The following EPB41L3 variants were observed in gnomAD, a reference collection of about 807,000 sequenced individuals.
The protein encoded by EPB41L3 is erythrocyte membrane protein band 4.1 like 3.
Under a neutral mutation model 127.1 loss-of-function variants are expected in EPB41L3, and 57 were observed. The observed-to-expected ratio is 0.45, with a 90% confidence interval of 0.36 to 0.56. EPB41L3 has a LOEUF of 0.56. Among genes scored for constraint, EPB41L3 ranks in the 20% least tolerant of loss-of-function variants. The probability of loss-of-function intolerance (pLI) is 0.00; values close to 1 mark genes in which losing one functional copy is unlikely to be tolerated. For synonymous variants in EPB41L3, 572 were observed against 549.5 expected, an observed-to-expected ratio of 1.04 and a Z score of -0.57; for missense variants, 1,273 against 1,372.2, an observed-to-expected ratio of 0.93 and a Z score of 1.14.
rs561607135 is a variant in EPB41L3 at position 5,542,643 on chromosome 18, CAT to C, written c.-12+1268_-12+1269del. ...CAACCTCCACAAGTAATTAACACCACATGTTTCCTTTATCATTCTATTTGTTC... is the reference window on the plus strand; with the variant it reads ...CAACCTCCACAAGTAATTAACACCACGTTTCCTTTATCATTCTATTTGTTC... On this transcript the variant is annotated intron_variant, in intron 1 of 22. Transcript: ENST00000341928. Among the ~76,000 whole-genome samples, 537 of 152,340 alleles carry C rather than the reference CAT, an allele frequency of 3.5e-3. 4 individuals carry two copies. Among genetic ancestry groups the C allele is most frequent in the Admixed American group, 0.026 (393 of 15,298 alleles).
At chr18:5,517,877 C>G (rs925012249) in intron 1 of EPB41L3, among the ~76,000 whole-genome samples, 1 of 152,116 alleles carries the variant, frequency 6.6e-6, no homozygotes, top group Non-Finnish European at 1.5e-5. Context: ...TCCTCCTCCC[C>G]CACTGACCAC....
intron 1 of EPB41L3, among the ~76,000 whole-genome samples, chr18:5,620,587 A>T (rs537151675): frequency 1.3e-5 from 2 of 152,322 alleles, no homozygotes; most frequent in South Asian, 4.1e-4. Context: ...CATCCTTTAT[A>T]ATAATGTAGA....
chr18:5,448,882 A>G (rs1197143637), intron 3 of EPB41L3, among the ~76,000 whole-genome samples: 7 of 152,248 alleles, frequency 4.6e-5, no homozygotes, highest in Non-Finnish European at 8.8e-5. Flanking sequence ...CCAACAATCA[A>G]GAAAGTTTTA....
intron 3 of EPB41L3, among the ~76,000 whole-genome samples, chr18:5,568,514 T>C (rs1043746235): frequency 4.1e-5 from 6 of 147,808 alleles, no homozygotes; most frequent in Admixed American, 2.0e-4. Flanking sequence ...AAATGTGAAA[T>C]AAGGATCTCC....
At chr18:5,434,289 C>G (rs1381470503) in intron 6 of EPB41L3, among the ~76,000 whole-genome samples, 168 bp from the exon 7 acceptor site, 1 of 152,084 alleles carries the variant, frequency 6.6e-6, no homozygotes, top group Non-Finnish European at 1.5e-5. Context: ...CATACTTGTT[C>G]TAGATAGAAG....
rs987292233 is a variant in EPB41L3, at chr18:5,397,397, T to C, written c.2502A>G (p.Gly834=). 15 of 1,612,502 alleles carry C rather than the reference T, an allele frequency of 9.3e-6. No homozygotes were observed. The African/African-American group carries it at 1.5e-4, about 16-fold the overall frequency. The change falls in exon 18 of 23, where the codon GGA becomes GGG. Residue 834 remains glycine, a synonymous_variant. Coordinates refer to ENST00000341928, the MANE Select transcript of EPB41L3 (RefSeq NM_012307.5). This position sits in a 1 kb window ranked among gnomAD's most constrained non-coding sequence, Gnocchi z 4.1. ...GGTGCACGGTGGGTTCCGTCTCTATTCCACTGGACTCCGTCTTGGTTTCCA... is the reference window on the plus strand; with the variant it reads ...GGTGCACGGTGGGTTCCGTCTCTATCCCACTGGACTCCGTCTTGGTTTCCA... ...QKMETKTESS[G]IETEPTVHHL... is the part of the protein sequence containing the mutation.
At chr18:5,601,148 G>C (rs115027779) in intron 3 of EPB41L3, among the ~76,000 whole-genome samples, 1 of 152,152 alleles carries the variant, frequency 6.6e-6, no homozygotes, top group Non-Finnish European at 1.5e-5. Context: ...TTGGGAGGGG[G>C]AAGGGCTTCT....
chr18:5,402,954 T>C (rs775421924), intron 16 of EPB41L3, among the ~76,000 whole-genome samples: 1 of 152,208 alleles, frequency 6.6e-6, no homozygotes, highest in Non-Finnish European at 1.5e-5. Flanking sequence ...AAGGAATTAC[T>C]GTACAGTGAA....
intron 6 of EPB41L3, 136 bp from the exon 7 acceptor site, chr18:5,434,257 A>G: frequency 1.6e-6 from 1 of 643,546 alleles, no homozygotes; most frequent in East Asian, 2.7e-5. Context: ...TAGCGTCTAT[A>G]TATTTTGATA....
Position 5,481,554 on chromosome 18 carries a change from T to C in EPB41L3, c.184-3116A>G, listed in dbSNP as rs12954403. On this transcript the variant is annotated intron_variant, in intron 2 of 22. Transcript: ENST00000341928. The stretch of plus-strand genomic sequence containing the variant: ...GGAGACCTGCCCTTGCCTTAACCCA[T>C]GGGAAGGAAGTGATGTGACTCTCTG... Among the ~76,000 whole-genome samples, 352 of 152,172 alleles carry C rather than the reference T, an allele frequency of 2.3e-3. 1 individual carries two copies. Among genetic ancestry groups the C allele is most frequent in the Non-Finnish European group, 4.3e-3 (289 of 67,992 alleles).
intron 3 of EPB41L3, among the ~76,000 whole-genome samples, chr18:5,572,196 G>C (rs2094289447): frequency 6.6e-6 from 1 of 152,134 alleles, no homozygotes; most frequent in South Asian, 2.1e-4. Flanking sequence ...TTTAGTACTA[G>C]GAAAACTTGG....
exon 2 of EPB41L3, chr18:5,614,399 A>G (rs2094767035): frequency 6.6e-6 from 1 of 152,122 alleles, no homozygotes; most frequent in Non-Finnish European, 1.5e-5. Flanking sequence ...TTTATAGATG[A>G]GCTTCTTTTG....
chr18:5,510,369 C>A (rs1214859182), intron 1 of EPB41L3, among the ~76,000 whole-genome samples: 1 of 152,202 alleles, frequency 6.6e-6, no homozygotes, highest in Non-Finnish European at 1.5e-5. Flanking sequence ...GATCCCCAAT[C>A]TGGGCTGGAG....
intron 8 of EPB41L3, among the ~76,000 whole-genome samples, chr18:5,432,138 C>T (rs2079090384): frequency 1.3e-5 from 2 of 152,182 alleles, no homozygotes; most frequent in South Asian, 4.1e-4. Context: ...CCACTATTCT[C>T]CCCAAATCCC....
At chr18:5,475,245 C>T (rs2086940413) in intron 3 of EPB41L3, among the ~76,000 whole-genome samples, 1 of 152,174 alleles carries the variant, frequency 6.6e-6, no homozygotes, top group Admixed American at 6.5e-5. Context: ...GAATATGCCA[C>T]ATCCCAGAAA....
intron 3 of EPB41L3, among the ~76,000 whole-genome samples, chr18:5,591,737 G>A (rs758326845): frequency 4.6e-5 from 7 of 152,142 alleles, no homozygotes; most frequent in South Asian, 2.1e-4. Context: ...ACTTTATTCC[G>A]ACCCCTCAGT....
intron 3 of EPB41L3, among the ~76,000 whole-genome samples, chr18:5,586,261 TA>T (rs2094440916): frequency 6.6e-6 from 1 of 152,150 alleles, no homozygotes; most frequent in African/African-American, 2.4e-5. Context: ...TCAGACTTTT[TA>T]AAAGGGCATT....
intron 3 of EPB41L3, among the ~76,000 whole-genome samples, chr18:5,580,191 C>G (rs1313137592): frequency 1.3e-5 from 2 of 152,138 alleles, no homozygotes; most frequent in African/African-American, 2.4e-5. Context: ...TACATATACT[C>G]TCATGTATAG....
chr18:5,529,751 C>T (rs1434094542), intron 1 of EPB41L3, among the ~76,000 whole-genome samples: 1 of 152,128 alleles, frequency 6.6e-6, no homozygotes, highest in Non-Finnish European at 1.5e-5. Context: ...ACCTCAGCTT[C>T]TATGGCTTTC....
Sources: gnomAD v4.1 joint callset for allele counts (sites outside exome capture counted in the v4.1 genomes callset) on GRCh38, gnomAD v4.1.1 for gene constraint, Gnocchi (gnomAD v3.1) non-coding constraint, MANE v1.5 for transcripts, NCBI Gene and HGNC (gene_info 2026-07-23, HGNC 2026-07-21) for gene names.